The following MMS19 variants were observed in gnomAD, a reference collection of about 807,000 sequenced individuals.
The protein encoded by MMS19 is MMS19 nucleotide excision repair protein homolog.
A neutral mutation model predicts 129.8 loss-of-function variants in MMS19; 77 were observed. That is an observed-to-expected ratio of 0.59 (90% CI 0.49 to 0.72). MMS19 has a LOEUF of 0.72. Ranked by LOEUF, MMS19 falls within the 30% of genes least tolerant of loss-of-function variation. The pLI, the probability that MMS19 is intolerant of heterozygous loss-of-function variation, is 0.00. For synonymous variants in MMS19, 491 were observed against 502.8 expected (o/e 0.98, Z 0.31); for missense variants, 1,168 against 1,266.3 (o/e 0.92, Z 1.18).
Position 97,498,311 on chromosome 10 carries a change from A to G in MMS19, c.74T>C (p.Val25Ala). 1 of 1,573,070 alleles carries G rather than the reference A, an allele frequency of 6.4e-7. No individual in the cohort carries two copies. Among genetic ancestry groups the G allele is most frequent in the African/African-American group, 1.3e-5 (1 of 74,318 alleles). The change falls in exon 1 of 31, where the codon GTG (valine) becomes GCG (alanine). Residue 25 changes from valine to alanine, a missense_variant. By Grantham distance (64) the Val-to-Ala change is moderately conservative. Transcript: ENST00000438925. ...ALWGLVHDFV[V>A]GQQEGPADQV... Reference sequence around the variant, plus strand: ...GTCAGCGGGGCCCTCTTGCTGACCCACGACGAAGTCGTGCACGAGGCCCCA... The same window carrying G: ...GTCAGCGGGGCCCTCTTGCTGACCCGCGACGAAGTCGTGCACGAGGCCCCA...
At chr10:97,477,461 A>G in intron 5 of MMS19, 45 bp from the exon 6 acceptor site, 1 of 1,613,588 alleles carries the variant, frequency 6.2e-7, no homozygotes, top group Non-Finnish European at 8.5e-7. Context: ...CTCAAAGAAT[A>G]CCTCAGCTGA....
At chr10:97,495,184 C>A (rs545935694) in intron 1 of MMS19, among the ~76,000 whole-genome samples, 102 of 152,174 alleles carry the variant, frequency 6.7e-4, no homozygotes, top group Non-Finnish European at 3.7e-4. Flanking sequence ...CAGGGAACTA[C>A]GAATAAAGGT....
In MMS19 at chr10:97,466,768, A is replaced by C; in HGVS notation, c.1423+8T>G. The C allele has an allele frequency of 6.2e-7, 1 of 1,614,012 alleles. No individual in the cohort carries two copies. Among genetic ancestry groups the C allele is most frequent in the Non-Finnish European group, 8.5e-7 (1 of 1,179,892 alleles). ...ATATTTTCCTCTTCTCTTTCCCTTAAGATGTACCTGGCTGGGCACCCAAGA... is the reference window on the plus strand; with the variant it reads ...ATATTTTCCTCTTCTCTTTCCCTTACGATGTACCTGGCTGGGCACCCAAGA... On this transcript the variant is annotated splice_region_variant and intron_variant, in intron 15 of 30. Coordinates refer to ENST00000438925, the MANE Select transcript of MMS19 (RefSeq NM_022362.5).
At chr10:97,465,278 G>A (rs929654424) in intron 18 of MMS19, among the ~76,000 whole-genome samples, 3 of 152,152 alleles carry the variant, frequency 2.0e-5, no homozygotes, top group African/African-American at 4.8e-5. Context: ...GGGATTATAG[G>A]CATGTGCCAC....
intron 1 of MMS19, among the ~76,000 whole-genome samples, chr10:97,486,861 C>CTATATATATATA (rs1564694696): frequency 2.6e-4 from 4 of 15,596 alleles, no homozygotes; most frequent in South Asian, 2.3e-3. Context: ...AATTAAAGTG[C>CTATATATATATA]CATATATATA....
At chr10:97,487,248 T>C (rs1490387318) in intron 1 of MMS19, among the ~76,000 whole-genome samples, 1 of 151,870 alleles carries the variant, frequency 6.6e-6, no homozygotes, top group African/African-American at 2.4e-5. Flanking sequence ...TGGAACCAAT[T>C]TGGAAAACAA....
rs781005756 is a variant in MMS19 at position 97,460,988 on chromosome 10, G to A, written c.2331C>T (p.Phe777=). 1 of 1,565,028 alleles carries A rather than the reference G, an allele frequency of 6.4e-7. No homozygotes were observed. The highest frequency in any genetic ancestry group is 8.7e-7 in the Non-Finnish European group (1 of 1,153,792). Reference sequence around the variant, plus strand: ...CCACTTTGTCCACAGCTAGCTGTAGGAATTCATCCAGCTGCTGCCCTAAAA... The same window carrying A: ...CCACTTTGTCCACAGCTAGCTGTAGAAATTCATCCAGCTGCTGCCCTAAAA... The part of the protein sequence containing the change: ...KHPAGQQLDE[F]LQLAVDKVEA... Residue 777 remains phenylalanine, a synonymous_variant, in exon 24 of 31, where the codon TTC becomes TTT. Coordinates refer to ENST00000438925, the MANE Select transcript of MMS19 (RefSeq NM_022362.5).
At position 97,468,283 on chromosome 10, in the gene MMS19, A is replaced by C; in HGVS notation, c.1187T>G (p.Leu396Ter). ...CDSVTSNVLP[L>*]LLEQFHKHSQ... ...GTGCTTGTGGAACTGTTCCAGCAGT[A>C]AAGGCAGTACATTGCTGGTGACAGA... The change falls in exon 13 of 31, where the codon TTA becomes TGA. Residue 396 changes from leucine (L) to a stop codon, truncating the protein, a stop_gained. Transcript: ENST00000438925. LOFTEE classifies it high-confidence loss of function. The C allele has an allele frequency of 6.2e-7, 1 of 1,605,456 alleles. No homozygotes were observed. The highest frequency in any genetic ancestry group is 8.5e-7 in the Non-Finnish European group (1 of 1,174,450).
chr10:97,474,548 AAAAAC>A (rs146724242), intron 8 of MMS19, among the ~76,000 whole-genome samples: 7,054 of 152,180 alleles, frequency 0.046, 471 homozygotes, highest in African/African-American at 0.15. Flanking sequence ...ACCCTGTCTG[AAAAAC>A]AAAACAAAAC....
In MMS19 at chr10:97,498,209, T is replaced by G. The variant is rs907649138; in HGVS notation, c.112+64A>C. The G allele has an allele frequency of 6.2e-6, 9 of 1,446,410 alleles. No individual in the cohort carries two copies. In the African/African-American group the frequency reaches 1.2e-4, roughly 19 times the overall value. 89.6% of individuals were successfully genotyped at this position (1,446,410 alleles called of 1,614,324 possible). On this transcript the variant is annotated intron_variant, in intron 1 of 30. Transcript: ENST00000438925. ...CGCTCCTCCCTTCCCGCCCGGCGCC[T>G]GTACTGAGGCCGCTCCCTCCTGTTG...
Position 97,476,465 on chromosome 10 carries a change from T to C in MMS19, c.684+218A>G, listed in dbSNP as rs138599717. On this transcript the variant is annotated intron_variant, in intron 8 of 30. Transcript: ENST00000438925. ...CAATCCTGTAGCCTTCAGCACTAAA[T>C]ACAGTGTTAAGGAGCTTAAGAATTC... 2.6e-3 allele frequency among the ~76,000 whole-genome samples: 397 copies of C among 152,346 alleles called. 1 individual carries two copies. In the Middle Eastern group the frequency reaches 0.054, roughly 21 times the overall value.
At chr10:97,488,713 T>C (rs1408095655) in intron 1 of MMS19, among the ~76,000 whole-genome samples, 2 of 152,222 alleles carry the variant, frequency 1.3e-5, no homozygotes, top group Non-Finnish European at 2.9e-5. Flanking sequence ...GTTGCTATTT[T>C]TTCCCCCAAA....
chr10:97,498,521 C>T, upstream of MMS19: 2 of 1,297,538 alleles, frequency 1.5e-6, no homozygotes, highest in Non-Finnish European at 2.1e-6. Flanking sequence ...CGGCTTCTGC[C>T]TAGGCAGTTC....
At chr10:97,492,384 A>G (rs1368912462) in intron 1 of MMS19, among the ~76,000 whole-genome samples, 1 of 151,662 alleles carries the variant, frequency 6.6e-6, no homozygotes, top group Non-Finnish European at 1.5e-5. Flanking sequence ...CTGAGGTAGG[A>G]GAATGGTGTG....
At chr10:97,463,644 T>C (rs1394608880) in intron 19 of MMS19, among the ~76,000 whole-genome samples, 5 of 152,244 alleles carry the variant, frequency 3.3e-5, no homozygotes, top group South Asian at 2.1e-4. Flanking sequence ...GTGCATTCTT[T>C]TGAATGTTGC....
rs537623674 is a variant in MMS19 at position 97,471,968 on chromosome 10, G to C, written c.685-1107C>G. The stretch of plus-strand genomic sequence containing the variant: ...ATGAGAGTTCCAAAATGAAGGAACA[G>C]AGAAAAGAGAGAGGAAGAAATCATC... On this transcript the variant is annotated intron_variant, in intron 8 of 30. Coordinates refer to ENST00000438925, the MANE Select transcript of MMS19 (RefSeq NM_022362.5). Among the ~76,000 whole-genome samples, 73 of 152,322 alleles carry C rather than the reference G, an allele frequency of 4.8e-4. 1 individual carries two copies. The highest frequency in any genetic ancestry group is 1.1e-3 in the Admixed American group (17 of 15,290).
chr10:97,461,374 A>G (rs1254318328), intron 23 of MMS19, 122 bp downstream of exon 23: 2 of 1,203,106 alleles, frequency 1.7e-6, no homozygotes, highest in Non-Finnish European at 2.3e-6. Flanking sequence ...ACAGTGCTTG[A>G]GCAGTTGAAG....
intron 22 of MMS19, 24 bp from the exon 23 acceptor site, chr10:97,461,646 T>C (rs773483604): frequency 1.3e-5 from 20 of 1,592,592 alleles, no homozygotes; most frequent in Non-Finnish European, 1.6e-5. Flanking sequence ...GGCCATGTAA[T>C]GGACCCAGAG....
intron 23 of MMS19, 40 bp from the exon 24 acceptor site, chr10:97,461,047 AT>A: frequency 6.8e-7 from 1 of 1,465,326 alleles, no homozygotes; most frequent in Non-Finnish European, 9.3e-7. Context: ...AAGGCTACAC[AT>A]TTTCCCTTTA....
Sources: gnomAD v4.1 joint callset for allele counts (sites outside exome capture counted in the v4.1 genomes callset) on GRCh38, gnomAD v4.1.1 for gene constraint, MANE v1.5 for transcripts, NCBI Gene and HGNC (gene_info 2026-07-23, HGNC 2026-07-21) for gene names.